The following SAMSN1 variants were observed in gnomAD, a reference collection of about 807,000 sequenced individuals.
SAMSN1 encodes the protein SAM domain-containing protein SAMSN-1.
SAMSN1 carries 31 observed loss-of-function variants against 42.0 expected under a neutral mutation model. The ratio of observed to expected loss-of-function variants is 0.74; its 90% confidence interval spans 0.55 to 1.00. SAMSN1 has a LOEUF of 1.00. SAMSN1 is among the 50% of genes least tolerant of loss of function. The pLI is 0.00. For missense variants in SAMSN1, 464 were observed against 439.4 expected, an observed-to-expected ratio of 1.06 and a Z score of -0.50; for synonymous variants, 178 against 151.9, an observed-to-expected ratio of 1.17 and a Z score of -1.26.
At chr21:14,494,111 G>A (rs1315131203) in intron 7 of SAMSN1, among the ~76,000 whole-genome samples, 3 of 152,182 alleles carry the variant, frequency 2.0e-5, no homozygotes. Flanking sequence ...CACTGTTAGT[G>A]GGAATGTAAA....
intron 4 of SAMSN1, chr21:14,612,376 C>T (rs570170676): frequency 1.7e-4 from 29 of 174,792 alleles, no homozygotes; most frequent in East Asian, 6.4e-4. Context: ...GAATAGAAAT[C>T]GATTTTTACT....
At chr21:14,625,580 A>C (rs1426732542) in intron 2 of SAMSN1, among the ~76,000 whole-genome samples, 2 of 152,220 alleles carry the variant, frequency 1.3e-5, no homozygotes, top group Non-Finnish European at 2.9e-5. Context: ...AGGGATGTGA[A>C]AGACCTCTTC....
rs558311717 is a variant in SAMSN1, at chr21:14,614,835, A to G, written c.197+1141T>C. 7.5e-4 allele frequency among the ~76,000 whole-genome samples: 114 copies of G among 152,252 alleles called. 1 individual carries two copies. In the South Asian group the frequency reaches 8.3e-3, roughly 11 times the overall value. On this transcript the variant is annotated intron_variant, in intron 3 of 15. Coordinates refer to the SAMSN1 transcript ENST00000647101. ...AGTGGTAGGCCAAAAAAAAGAAATT[A>G]AGGAACTCAAAGGAGTCTTCAATTT...
intron 4 of SAMSN1, among the ~76,000 whole-genome samples, chr21:14,611,904 GA>G (rs1982717738): frequency 6.6e-6 from 1 of 152,050 alleles, no homozygotes; most frequent in African/African-American, 2.4e-5. Context: ...GAAGGAAAGG[GA>G]AAAGGGTACC....
intron 3 of SAMSN1, 61 bp from the exon 4 acceptor site, chr21:14,512,634 A>T (rs3761321): frequency 0.15 from 222,766 of 1,468,768 alleles, 18,827 homozygotes; most frequent in African/African-American, 0.34. Flanking sequence ...ATGTACATTG[A>T]GTACATTGAT....
intron 2 of SAMSN1, among the ~76,000 whole-genome samples, chr21:14,570,582 C>T (rs73891829): frequency 0.034 from 5,233 of 152,244 alleles, 222 homozygotes; most frequent in African/African-American, 0.1. Context: ...TAGAGCTTTT[C>T]GGTTGGCATC....
exon 2 of SAMSN1, chr21:14,643,083 G>A (rs1298206757): frequency 1.4e-6 from 1 of 717,302 alleles, no homozygotes; most frequent in South Asian, 1.5e-5. Context: ...TGTTTTCTTG[G>A]TTAGCTTGTT....
At chr21:14,511,053 G>A (rs1013180839) in intron 4 of SAMSN1, among the ~76,000 whole-genome samples, 10 of 152,068 alleles carry the variant, frequency 6.6e-5, no homozygotes, top group Non-Finnish European at 8.8e-5. Flanking sequence ...CACCTGTCTG[G>A]GAACAAGAAT....
intron 1 of SAMSN1, among the ~76,000 whole-genome samples, chr21:14,649,772 A>AACACACAC (rs60905314): frequency 0.02 from 2,654 of 135,544 alleles, 37 homozygotes; most frequent in African/African-American, 0.049. Context: ...ACTGTCTCAA[A>AACACACAC]ACACACACAC....
chr21:14,569,088 C>A (rs1981206223), intron 2 of SAMSN1, among the ~76,000 whole-genome samples: 1 of 151,722 alleles, frequency 6.6e-6, no homozygotes, highest in South Asian at 2.1e-4. Flanking sequence ...TCCAGGAGTT[C>A]AAGACCAGCC....
intron 1 of SAMSN1, among the ~76,000 whole-genome samples, chr21:14,645,971 CAAAA>C (rs1182857222): frequency 6.6e-6 from 1 of 150,952 alleles, no homozygotes; most frequent in East Asian, 1.9e-4. Context: ...TCAGAGGAGA[CAAAA>C]GAAAAAAGAA....
At position 14,621,710 on chromosome 21, in the gene SAMSN1, C is replaced by A. The variant is rs372957670; in HGVS notation, c.157-5694G>T. On this transcript the variant is annotated intron_variant, in intron 2 of 15. Transcript: ENST00000647101. ...TCCACCTCTGGCAGCAGGGCATAGC[C>A]AAACAAAAGGCAGCAGAAACCTCTG... Among the ~76,000 whole-genome samples, 127 of 152,296 alleles carry A rather than the reference C, an allele frequency of 8.3e-4. 2 individuals are homozygous for A. In the South Asian group the frequency reaches 0.011, roughly 13 times the overall value.
intron 7 of SAMSN1, among the ~76,000 whole-genome samples, chr21:14,494,643 A>T (rs1324210414): frequency 6.6e-6 from 1 of 151,822 alleles, no homozygotes; most frequent in Non-Finnish European, 1.5e-5. Flanking sequence ...CCACCATGGC[A>T]TGTGTATACC....
exon 3 of SAMSN1, chr21:14,616,013 C>A (rs975290747): frequency 2.6e-5 from 15 of 583,910 alleles, no homozygotes; most frequent in Non-Finnish European, 4.7e-5. Context: ...AAATTAGAAA[C>A]TCCCTGTAAA....
At chr21:14,522,769 A>T in intron 1 of SAMSN1, among the ~76,000 whole-genome samples, 1 of 152,364 alleles carries the variant, frequency 6.6e-6, no homozygotes, top group East Asian at 1.9e-4. Flanking sequence ...TAATTTAAAA[A>T]ATTAACATAA....
chr21:14,579,698 T>C (rs1173421650), intron 2 of SAMSN1, among the ~76,000 whole-genome samples: 1 of 148,970 alleles, frequency 6.7e-6, no homozygotes, highest in Non-Finnish European at 1.5e-5. Flanking sequence ...CCCAGGTTGG[T>C]CTTGAAATCC....
chr21:14,658,790 C>T (rs763212013), exon 1 of SAMSN1: 1 of 715,430 alleles, frequency 1.4e-6, no homozygotes, highest in East Asian at 2.7e-5. Flanking sequence ...GCTTCACTCT[C>T]TTGTTGCCCT....
At chr21:14,566,545 A>T (rs7278952) in intron 2 of SAMSN1, among the ~76,000 whole-genome samples, 49,245 of 150,630 alleles carry the variant, frequency 0.33, 10,284 homozygotes, top group African/African-American at 0.61. Context: ...TATATATAAA[A>T]TTTTTTTTTT....
intron 1 of SAMSN1, among the ~76,000 whole-genome samples, chr21:14,539,161 A>T (rs1979834722): frequency 6.6e-6 from 1 of 152,206 alleles, no homozygotes. Context: ...TAAAGCTTAA[A>T]ATGAGTTACA....
Sources: gnomAD v4.1 joint callset for allele counts (sites outside exome capture counted in the v4.1 genomes callset) on GRCh38, gnomAD v4.1.1 for gene constraint, MANE v1.5 for transcripts, NCBI Gene and HGNC (gene_info 2026-07-23, HGNC 2026-07-21) for gene names.